Variants in CTNND2 observed in about 807,000 individuals in gnomAD.
The protein encoded by CTNND2 is catenin delta-2.
In CTNND2, 22 loss-of-function variants were observed where a neutral mutation model predicts 144.4. The ratio of observed to expected loss-of-function variants is 0.15; its 90% CI spans 0.11 to 0.22. The LOEUF is 0.22. Ranked by LOEUF, CTNND2 falls within the 10% of genes least tolerant of loss-of-function variation. The pLI, the probability that CTNND2 is intolerant of heterozygous loss-of-function variation, is 1.00. For synonymous variants in CTNND2, 751 were observed against 695.6 expected (o/e 1.08, Z -1.25); for missense variants, 1,353 against 1,618.8 (o/e 0.84, Z 2.82).
intron 9 of CTNND2, among the ~76,000 whole-genome samples, chr5:11,242,681 T>G (rs745820624): frequency 6.6e-6 from 1 of 152,182 alleles, no homozygotes; most frequent in Non-Finnish European, 1.5e-5. Context: ...GGTCTCAACA[T>G]GTACTGTATT....
chr5:11,680,990 A>G lies in CTNND2; in HGVS notation c.174+51146T>C, dbSNP rs145859262. ...CTGTCTGGGATACAGGAGGGTGGAG[A>G]TCTAGAGGATGAGATGGAGGGCTGG... is the stretch of plus-strand genomic sequence containing the variant. On this transcript the variant is annotated intron_variant, in intron 2 of 21. Coordinates refer to ENST00000304623, the MANE Select transcript of CTNND2 (RefSeq NM_001332.4). 4.2e-3 allele frequency among the ~76,000 whole-genome samples: 632 copies of G among 152,148 alleles called. 8 individuals carry two copies. Among genetic ancestry groups the G allele is most frequent in the African/African-American group, 0.015 (612 of 41,532 alleles).
At chr5:11,380,591 C>T (rs576846149) in intron 7 of CTNND2, among the ~76,000 whole-genome samples, 15 of 152,182 alleles carry the variant, frequency 9.9e-5, no homozygotes, top group South Asian at 4.1e-4. Flanking sequence ...ATAAAAGAAA[C>T]GAAATTTTTA....
At chr5:11,528,055 T>C (rs1773423492) in intron 3 of CTNND2, among the ~76,000 whole-genome samples, 1 of 152,230 alleles carries the variant, frequency 6.6e-6, no homozygotes, top group Admixed American at 6.5e-5. Context: ...AGCACTCATA[T>C]AAAGAGAGCC....
chr5:11,124,992 C>T (rs1190083513), intron 12 of CTNND2, among the ~76,000 whole-genome samples: 1 of 152,206 alleles, frequency 6.6e-6, no homozygotes, highest in African/African-American at 2.4e-5. Context: ...AATGTATTTG[C>T]CTCCTCGGGG....
intron 1 of CTNND2, among the ~76,000 whole-genome samples, chr5:11,867,614 T>C (rs1192669767): frequency 2.7e-5 from 4 of 150,790 alleles, no homozygotes; most frequent in East Asian, 2.0e-4. Context: ...AGTTTTGCCA[T>C]TAGTTATAGA....
chr5:11,298,573 C>A (rs1749255750), intron 9 of CTNND2, among the ~76,000 whole-genome samples: 1 of 152,180 alleles, frequency 6.6e-6, no homozygotes. Context: ...TTTTAAAATG[C>A]CTAAATCATT....
chr5:11,277,164 A>C (rs1746623553), intron 9 of CTNND2, among the ~76,000 whole-genome samples: 1 of 152,150 alleles, frequency 6.6e-6, no homozygotes, highest in South Asian at 2.1e-4. Context: ...TTCCTAGAGC[A>C]GTGAGAGAAA....
At chr5:11,562,067 G>T (rs1172725145) in intron 3 of CTNND2, among the ~76,000 whole-genome samples, 4 of 151,960 alleles carry the variant, frequency 2.6e-5, no homozygotes, top group Non-Finnish European at 4.4e-5. Context: ...AAGAGAGAGA[G>T]ATCTTGGGAA....
rs192554424 is a variant in CTNND2 at position 11,766,163 on chromosome 5, T to C, written c.38-33891A>G. 5.3e-3 allele frequency among the ~76,000 whole-genome samples: 812 copies of C among 152,352 alleles called. 13 individuals are homozygous for C. Among genetic ancestry groups the C allele is most frequent in the African/African-American group, 0.019 (781 of 41,582 alleles). On this transcript the variant is annotated intron_variant, in intron 1 of 21. Coordinates refer to ENST00000304623, the MANE Select transcript of CTNND2 (RefSeq NM_001332.4). The stretch of plus-strand genomic sequence containing the variant: ...ATTCCAGGAATCATTTATTTACATA[T>C]ACTTGCATTGTCAACATCCACTTGG...
chr5:11,198,536 C>A (rs921919867), intron 11 of CTNND2, among the ~76,000 whole-genome samples: 7 of 152,118 alleles, frequency 4.6e-5, no homozygotes, highest in African/African-American at 1.7e-4. Context: ...AGCATAGCTA[C>A]AAGGAAATTT....
chr5:11,366,751 A>G lies in CTNND2; in HGVS notation c.1178-1861T>C, dbSNP rs529793940. 2.0e-5 allele frequency among the ~76,000 whole-genome samples: 3 copies of G among 152,322 alleles called. No homozygotes were observed. In the South Asian group the frequency reaches 6.2e-4, roughly 32 times the overall value. On this transcript the variant is annotated intron_variant, in intron 7 of 21. Coordinates refer to ENST00000304623, the MANE Select transcript of CTNND2 (RefSeq NM_001332.4). ...AGTTATCCATCACTGGTACATTTAGAATTGTTACTTTATCACTATTCCTTT... is the reference window on the plus strand; with the variant it reads ...AGTTATCCATCACTGGTACATTTAGGATTGTTACTTTATCACTATTCCTTT...
intron 1 of CTNND2, among the ~76,000 whole-genome samples, chr5:11,855,114 AC>A (rs1157536767): frequency 6.6e-6 from 1 of 152,216 alleles, no homozygotes; most frequent in Non-Finnish European, 1.5e-5. Flanking sequence ...AGCATAAAAA[AC>A]CTGTAATGCC....
intron 14 of CTNND2, among the ~76,000 whole-genome samples, chr5:11,100,332 G>A (rs1751760927): frequency 1.3e-5 from 2 of 152,134 alleles, no homozygotes; most frequent in Admixed American, 6.6e-5. Context: ...CTCAGTGTGG[G>A]AAGCTTCCTG....
intron 1 of CTNND2, among the ~76,000 whole-genome samples, chr5:11,836,865 G>T (rs1296410306): frequency 1.3e-5 from 2 of 152,186 alleles, no homozygotes; most frequent in Non-Finnish European, 2.9e-5. Context: ...TATTTCAGGG[G>T]GATGGGATGA....
At chr5:11,468,557 T>C (rs370720598) in intron 3 of CTNND2, among the ~76,000 whole-genome samples, 1 of 152,168 alleles carries the variant, frequency 6.6e-6, no homozygotes, top group Non-Finnish European at 1.5e-5. Flanking sequence ...ATCCAATATG[T>C]CTGTCAGGTC....
intron 9 of CTNND2, among the ~76,000 whole-genome samples, chr5:11,304,772 C>G (rs1011510386): frequency 2.0e-5 from 3 of 152,156 alleles, no homozygotes; most frequent in African/African-American, 7.2e-5. Flanking sequence ...GGCCACTGTG[C>G]TCAGAGTTCA....
chr5:11,386,885 TG>T (rs1759140163), intron 6 of CTNND2, among the ~76,000 whole-genome samples: 1 of 152,148 alleles, frequency 6.6e-6, no homozygotes, highest in African/African-American at 2.4e-5. Context: ...CAGATGTGGG[TG>T]TGCTTACTCT....
intron 3 of CTNND2, among the ~76,000 whole-genome samples, chr5:11,543,361 C>A (rs546869132): frequency 6.6e-6 from 1 of 152,116 alleles, no homozygotes; most frequent in Non-Finnish European, 1.5e-5. Flanking sequence ...GGCTTCAGGG[C>A]GGAAGACATT....
At chr5:11,296,175 T>TA (rs1748967717) in intron 9 of CTNND2, among the ~76,000 whole-genome samples, 1 of 151,782 alleles carries the variant, frequency 6.6e-6, no homozygotes. Flanking sequence ...GGTTGAAGGA[T>TA]ATGAACAGAC....
Sources: gnomAD v4.1 joint callset for allele counts (sites outside exome capture counted in the v4.1 genomes callset) on GRCh38, gnomAD v4.1.1 for gene constraint, MANE v1.5 for transcripts, NCBI Gene and HGNC (gene_info 2026-07-23, HGNC 2026-07-21) for gene names.